The following AUTS2 variants were observed in gnomAD, a reference collection of about 807,000 sequenced individuals.
AUTS2 encodes autism susceptibility gene 2 protein.
Under a neutral mutation model 112.4 loss-of-function variants are expected in AUTS2, and 17 were observed. The ratio of observed to expected loss-of-function variants is 0.15; its 90% confidence interval spans 0.10 to 0.23. AUTS2 has a LOEUF of 0.23. AUTS2 is among the 10% of genes least tolerant of loss of function. The pLI is 1.00. For synonymous variants in AUTS2, 751 were observed against 702.7 expected (o/e 1.07, Z -1.09); for missense variants, 1,510 against 1,701.6 (o/e 0.89, Z 1.98).
chr7:69,823,942 C>T lies in AUTS2; in HGVS notation c.310-75344C>T, dbSNP rs73440105. Among the ~76,000 whole-genome samples the T allele has an allele frequency of 8.6e-3, 1,311 of 152,218 alleles. 26 individuals are homozygous for T. The highest frequency in any genetic ancestry group is 0.03 in the African/African-American group (1,232 of 41,522). ...CGAAGAGACAGCCGGACTTGAAACT[C>T]TAGAGGTATGATTTTGACCAAGACC... is the stretch of plus-strand genomic sequence containing the variant. On this transcript the variant is annotated intron_variant, in intron 1 of 18. Transcript: ENST00000342771.
intron 5 of AUTS2, among the ~76,000 whole-genome samples, chr7:70,691,542 G>A (rs1447969040): frequency 1.3e-5 from 2 of 151,900 alleles, no homozygotes; most frequent in Non-Finnish European, 2.9e-5. Context: ...ATGCTGTTGT[G>A]TACCTGGTCC....
rs116671883 is a variant in AUTS2, at chr7:69,645,440, G to A, written c.309+45478G>A. On this transcript the variant is annotated intron_variant, in intron 1 of 18. Transcript: ENST00000342771. The stretch of plus-strand genomic sequence containing the variant: ...TCCATCCCTTTCATTTTACAGGTTA[G>A]GAGGCTGAGGGCATTGTGCAATGAT... Among the ~76,000 whole-genome samples the A allele has an allele frequency of 5.2e-3, 795 of 152,286 alleles. 9 individuals are homozygous for A. The highest frequency in any genetic ancestry group is 0.018 in the African/African-American group (763 of 41,558).
At chr7:69,993,248 T>C (rs1484665697) in intron 2 of AUTS2, among the ~76,000 whole-genome samples, 2 of 152,198 alleles carry the variant, frequency 1.3e-5, no homozygotes, top group East Asian at 3.9e-4. Flanking sequence ...CCTTTGGTTA[T>C]GTGGCTATTC....
chr7:70,498,451 G>A (rs182571659), intron 5 of AUTS2, among the ~76,000 whole-genome samples: 1 of 152,236 alleles, frequency 6.6e-6, no homozygotes, highest in Admixed American at 6.5e-5. Context: ...TCTTGGGGTG[G>A]TGACTATGTT....
intron 1 of AUTS2, among the ~76,000 whole-genome samples, chr7:69,894,091 T>TA (rs1033130463): frequency 1.3e-5 from 2 of 152,106 alleles, no homozygotes; most frequent in African/African-American, 4.8e-5. Context: ...TCTCCAAACC[T>TA]ATTCACATCT....
intron 2 of AUTS2, among the ~76,000 whole-genome samples, chr7:70,012,844 C>T (rs1019359957): frequency 2.0e-5 from 3 of 152,100 alleles, no homozygotes; most frequent in Non-Finnish European, 2.9e-5. Flanking sequence ...ATTTATTTCT[C>T]TTATCAGTGA....
chr7:70,028,131 T>C (rs1272258064), intron 2 of AUTS2, among the ~76,000 whole-genome samples: 1 of 151,594 alleles, frequency 6.6e-6, no homozygotes, highest in Non-Finnish European at 1.5e-5. Context: ...CTCTCTCTCT[T>C]CTTCCCTCTC....
chr7:70,745,668 G>A (rs1415028256), intron 6 of AUTS2, among the ~76,000 whole-genome samples: 4 of 152,090 alleles, frequency 2.6e-5, no homozygotes, highest in African/African-American at 2.4e-5. Flanking sequence ...AACACTGCTC[G>A]CCTTTAACAT....
chr7:69,646,025 TGGAA>T (rs1223301623), intron 1 of AUTS2, among the ~76,000 whole-genome samples: 1 of 151,274 alleles, frequency 6.6e-6, no homozygotes, highest in African/African-American at 2.4e-5. Flanking sequence ...TTAGAAATGC[TGGAA>T]GGAAGAAGGA....
At chr7:70,397,490 G>A (rs1794139093) in intron 4 of AUTS2, among the ~76,000 whole-genome samples, 1 of 151,810 alleles carries the variant, frequency 6.6e-6, no homozygotes, top group African/African-American at 2.4e-5. Flanking sequence ...ATCTTTTTGG[G>A]TAAACTTTCT....
chr7:69,727,201 G>A (rs954374235), intron 1 of AUTS2, among the ~76,000 whole-genome samples: 9 of 152,068 alleles, frequency 5.9e-5, no homozygotes, highest in Non-Finnish European at 1.2e-4. Flanking sequence ...AAGGGTAGAG[G>A]TTCATTTTCT....
intron 2 of AUTS2, among the ~76,000 whole-genome samples, chr7:70,117,403 G>T (rs1050233828): frequency 6.6e-6 from 1 of 151,914 alleles, no homozygotes; most frequent in Non-Finnish European, 1.5e-5. Context: ...ATTTTGCTCT[G>T]ATTTGTTTCT....
intron 4 of AUTS2, among the ~76,000 whole-genome samples, chr7:70,256,711 C>T (rs946648958): frequency 6.6e-6 from 1 of 152,176 alleles, no homozygotes; most frequent in Non-Finnish European, 1.5e-5. Context: ...CCTTTGGTCC[C>T]TTTCTGCCTT....
chr7:70,784,768 AAAAAACAC>A (rs2129560502), intron 15 of AUTS2, 166 bp from the exon 16 acceptor site: 72 of 238,976 alleles, frequency 3.0e-4, no homozygotes, highest in East Asian at 1.1e-3. Context: ...AAAAAAAAAA[AAAAAACAC>A]ACATTTTCTT....
intron 1 of AUTS2, among the ~76,000 whole-genome samples, chr7:69,712,785 A>T (rs1001195040): frequency 4.6e-5 from 7 of 152,160 alleles, no homozygotes; most frequent in African/African-American, 1.7e-4. Context: ...TTAACTTTAC[A>T]TGAAACTGCC....
intron 2 of AUTS2, among the ~76,000 whole-genome samples, chr7:70,107,895 C>T (rs1804857859): frequency 6.6e-6 from 1 of 151,366 alleles, no homozygotes; most frequent in East Asian, 2.0e-4. Context: ...CCTGTAATCC[C>T]AGCTACCCCG....
At chr7:69,824,485 C>G (rs1228497969) in intron 1 of AUTS2, 4 of 151,134 alleles carry the variant, frequency 2.6e-5, no homozygotes, top group African/African-American at 9.7e-5. Context: ...TCTTGTGGTC[C>G]ATTGTTGTGG....
intron 3 of AUTS2, among the ~76,000 whole-genome samples, chr7:70,128,971 C>T (rs954167991): frequency 6.6e-6 from 1 of 152,144 alleles, no homozygotes; most frequent in South Asian, 2.1e-4. Flanking sequence ...TACAGCCCAT[C>T]CTAAATCTGT....
At chr7:69,898,205 T>C (rs996322132) in intron 1 of AUTS2, among the ~76,000 whole-genome samples, 2 of 152,098 alleles carry the variant, frequency 1.3e-5, no homozygotes, top group African/African-American at 4.8e-5. Flanking sequence ...ACCCCAGAAA[T>C]GAAAAAATTT....
Sources: gnomAD v4.1 joint callset for allele counts (sites outside exome capture counted in the v4.1 genomes callset) on GRCh38, gnomAD v4.1.1 for gene constraint, MANE v1.5 for transcripts, NCBI Gene and HGNC (gene_info 2026-07-23, HGNC 2026-07-21) for gene names.